Variants in GATA6 observed in about 807,000 individuals in gnomAD.
The protein encoded by GATA6 is transcription factor GATA-6.
In GATA6, 11 loss-of-function variants were observed where a neutral mutation model predicts 48.1. The observed-to-expected ratio is 0.23, with a 90% CI of 0.14 to 0.38. The LOEUF is 0.38. Among genes scored for constraint, GATA6 ranks in the 10% least tolerant of loss-of-function variants. The pLI is 1.00. For synonymous variants in GATA6, 419 were observed against 396.1 expected, an observed-to-expected ratio of 1.06 and a Z score of -0.69; for missense variants, 795 against 850.3, an observed-to-expected ratio of 0.93 and a Z score of 0.81.
chr18:22,181,387 T>G (rs2033193468), intron 3 of GATA6, 66 bp from the exon 4 acceptor site: 1 of 1,508,936 alleles, frequency 6.6e-7, no homozygotes, highest in Non-Finnish European at 9.2e-7. Context: ...AATACCTTAA[T>G]GTATGTATGT....
At position 22,185,966 on chromosome 18, in the gene GATA6, A is replaced by G. The variant is rs113591656; in HGVS notation, c.1620+2923A>G. Among the ~76,000 whole-genome samples, 125 of 152,154 alleles carry G rather than the reference A, an allele frequency of 8.2e-4. No individual in the cohort carries two copies. Among genetic ancestry groups the G allele is most frequent in the African/African-American group, 2.9e-3 (120 of 41,510 alleles). On this transcript the variant is annotated intron_variant, in intron 6 of 6. Transcript: ENST00000269216. This position sits in a 1 kb window ranked among gnomAD's most constrained non-coding sequence, Gnocchi z 4.3. ...GTTGACAAAGGTGTGTCATTTTCCCATTTTGGTCACAGTGCATAATGTTAG... is the reference window on the plus strand; with the variant it reads ...GTTGACAAAGGTGTGTCATTTTCCCGTTTTGGTCACAGTGCATAATGTTAG...
chr18:22,176,719 C>T (rs889549546), intron 2 of GATA6: 8 of 486,284 alleles, frequency 1.6e-5, no homozygotes, highest in Non-Finnish European at 2.9e-5. Context: ...GTCTCTTTCC[C>T]GGAGTCTCTA....
At chr18:22,176,830 C>T (rs910743401) in intron 2 of GATA6, 125 bp from the exon 3 acceptor site, 5 of 1,147,420 alleles carry the variant, frequency 4.4e-6, no homozygotes, top group Non-Finnish European at 5.9e-6. Flanking sequence ...GAGAAAAGCT[C>T]AGCCGGGAAG....
intron 3 of GATA6, among the ~76,000 whole-genome samples, chr18:22,180,462 C>G (rs559885895): frequency 5.3e-5 from 8 of 152,158 alleles, no homozygotes; most frequent in South Asian, 2.1e-4. Flanking sequence ...GGCCTTTTAC[C>G]TTTCCTGGTA....
chr18:22,193,226 CGA>C (rs59561236), intron 6 of GATA6, among the ~76,000 whole-genome samples: 1,956 of 152,200 alleles, frequency 0.013, 47 homozygotes, highest in African/African-American at 0.045. Flanking sequence ...GTTAAGAATT[CGA>C]GAGTTTCATT....
At position 22,174,464 on chromosome 18, in the gene GATA6, A is replaced by G. The variant is rs756962484; in HGVS notation, c.1135+2185A>G. On this transcript the variant is annotated intron_variant, in intron 2 of 6. Transcript: ENST00000269216. Reference sequence around the variant, plus strand: ...AGCCTACACTTTTCCTAATTTTTTCATCTTCTGGGCACACCACAGTTAGAG... The same window carrying G: ...AGCCTACACTTTTCCTAATTTTTTCGTCTTCTGGGCACACCACAGTTAGAG... 4.6e-5 allele frequency among the ~76,000 whole-genome samples: 7 copies of G among 152,214 alleles called. No individual in the cohort carries two copies. The East Asian group carries it at 9.6e-4, about 21-fold the overall frequency.
chr18:22,183,940 C>A (rs758461055), intron 6 of GATA6, among the ~76,000 whole-genome samples: 2 of 152,188 alleles, frequency 1.3e-5, no homozygotes, highest in Non-Finnish European at 2.9e-5. Flanking sequence ...ATTTAAATGC[C>A]TATTTACTTA....
chr18:22,171,169 T>A lies in GATA6; in HGVS notation c.25T>A (p.Cys9Ser), dbSNP rs1251160301. Residue 9 changes from cysteine (C) to serine (S), a missense_variant, in exon 2 of 7, where the codon TGC becomes AGC. By Grantham distance (112) the Cys-to-Ser change is moderately radical. This residue lies in a region of GATA6 where 591 missense variants were observed against 570.0 expected (regional missense o/e 1.04). Transcript: ENST00000269216. This position sits in a 1 kb window ranked among gnomAD's most constrained non-coding sequence, Gnocchi z 7.1. MALTDGGW[C>S]LPKRFGAAGA... ...GATGGCCTTGACTGACGGCGGCTGGTGCTTGCCGAAGCGCTTCGGGGCCGC... is the reference window on the plus strand; with the variant it reads ...GATGGCCTTGACTGACGGCGGCTGGAGCTTGCCGAAGCGCTTCGGGGCCGC... 3.8e-6 allele frequency: 6 copies of A among 1,599,884 alleles called. No individual in the cohort carries two copies. Among genetic ancestry groups the A allele is most frequent in the Non-Finnish European group, 5.1e-6 (6 of 1,179,562 alleles).
At chr18:22,177,378 C>T (rs1434922990) in intron 3 of GATA6, among the ~76,000 whole-genome samples, 1 of 152,092 alleles carries the variant, frequency 6.6e-6, no homozygotes. Flanking sequence ...CATGTTTACG[C>T]GCAGGGGATG....
chr18:22,182,508 C>T (rs2033211445), intron 4 of GATA6, among the ~76,000 whole-genome samples: 1 of 152,106 alleles, frequency 6.6e-6, no homozygotes, highest in Non-Finnish European at 1.5e-5. Flanking sequence ...CAGGCATGCG[C>T]CAACAAGTCT....
At chr18:22,169,714 C>T (rs993610617) in intron 1 of GATA6, 32 bp downstream of exon 1, 2 of 152,308 alleles carry the variant, frequency 1.3e-5, no homozygotes, top group Admixed American at 6.5e-5. Flanking sequence ...GCGATCTCCC[C>T]GCTTTCCTCC....
rs541178972 is a variant in GATA6 at position 22,200,400 on chromosome 18, C to G, written c.1621-256C>G. Among the ~76,000 whole-genome samples, 39 of 152,302 alleles carry G rather than the reference C, an allele frequency of 2.6e-4. No homozygotes were observed. The South Asian group carries it at 8.1e-3, about 32-fold the overall frequency. ...TTGCATCTTGCCAGTGGCTCCTGCC[C>G]TGAGTTCTAAAGTTTCGAAGGCTTA... On this transcript the variant is annotated intron_variant, in intron 6 of 6. Transcript: ENST00000269216.
intron 2 of GATA6, chr18:22,176,595 T>A (rs571764261): frequency 1.1e-3 from 232 of 206,570 alleles, no homozygotes; most frequent in South Asian, 2.1e-3. Context: ...ACTGTAATGA[T>A]GATGGATTTC....
rs2143350947 is a variant in GATA6 at position 22,202,410 on chromosome 18, C to T, written c.*1587C>T. The T allele has an allele frequency of 6.6e-6, 1 of 152,224 alleles. No homozygotes were observed. The highest frequency in any genetic ancestry group is 1.9e-4 in the East Asian group (1 of 5,184). The allele number at this position is 152,224 out of a possible 1,614,324, so 9.4% of individuals were successfully genotyped here. ...GCTCACCTGAGGTTGCAGACGTTACCCCCAACAGAAGATAGGTAGAAATGA... is the reference window on the plus strand; with the variant it reads ...GCTCACCTGAGGTTGCAGACGTTACTCCCAACAGAAGATAGGTAGAAATGA... On this transcript the variant is annotated 3_prime_UTR_variant, in exon 7 of 7. Coordinates refer to ENST00000269216, the MANE Select transcript of GATA6 (RefSeq NM_005257.6).
chr18:22,170,976 C>T lies in GATA6; in HGVS notation c.-37-132C>T. 3 of 650,884 alleles carry T rather than the reference C, an allele frequency of 4.6e-6. No individual in the cohort carries two copies. Among genetic ancestry groups the T allele is most frequent in the Non-Finnish European group, 8.2e-6 (3 of 366,204 alleles). 40.3% of individuals were successfully genotyped at this position (650,884 alleles called of 1,614,324 possible). A position where few individuals can be genotyped will look rare whatever the true frequency, so the allele number is the denominator to read the frequency against. ...GGCAGAAATAGGATCTTTGAGAAGT[C>T]TCAAATGGGATCTTTGAGAAGTCAG... is the stretch of plus-strand genomic sequence containing the variant. On this transcript the variant is annotated intron_variant, in intron 1 of 6. Transcript: ENST00000269216. The surrounding 1 kb of genome is among the most constrained non-coding windows in gnomAD (Gnocchi z 6.7).
intron 3 of GATA6, 52 bp from the exon 4 acceptor site, chr18:22,181,401 A>G (rs1195244815): frequency 5.7e-6 from 9 of 1,581,422 alleles, no homozygotes; most frequent in Admixed American, 1.7e-5. Context: ...TGTATGTAAT[A>G]TATATATATG....
chr18:22,172,314 C>G lies in GATA6; in HGVS notation c.1135+35C>G, dbSNP rs973643251. ...GCGCCTCAGGTTCGGGGTGCGGGTC[C>G]AAAGCGCTGGGGCGCACGGGGGACG... is the stretch of plus-strand genomic sequence containing the variant. On this transcript the variant is annotated intron_variant, in intron 2 of 6. Transcript: ENST00000269216. This position sits in a 1 kb window ranked among gnomAD's most constrained non-coding sequence, Gnocchi z 5.2. The G allele has an allele frequency of 2.3e-5, 35 of 1,525,918 alleles. 1 individual carries two copies. The Admixed American group carries it at 4.2e-4, about 18-fold the overall frequency. The allele number at this position is 1,525,918 out of a possible 1,614,324, so 94.5% of individuals were successfully genotyped here. A position where few individuals can be genotyped will look rare whatever the true frequency, so the allele number is the denominator to read the frequency against.
In GATA6 at chr18:22,171,249, G is replaced by A. The variant is rs747016928; in HGVS notation, c.105G>A (p.Pro35=). ...TTCCAGCGCGGGAGCCCTCCACGCC[G>A]CCTTCCCCCATCTCTTCCTCGTCCT... ...RAFPAREPST[P]PSPISSSSSS... Residue 35 remains proline (P), a synonymous_variant, in exon 2 of 7, where the codon CCG becomes CCA. Coordinates refer to ENST00000269216, the MANE Select transcript of GATA6 (RefSeq NM_005257.6). This position sits in a 1 kb window ranked among gnomAD's most constrained non-coding sequence, Gnocchi z 7.1. 3.8e-6 allele frequency: 6 copies of A among 1,598,360 alleles called. No individual in the cohort carries two copies. The African/African-American group carries it at 6.7e-5, about 18-fold the overall frequency.
In GATA6 at chr18:22,185,090, T is replaced by A. The variant is rs1024807830; in HGVS notation, c.1620+2047T>A. 6.6e-6 allele frequency among the ~76,000 whole-genome samples: 1 copy of A among 152,206 alleles called. No individual in the cohort carries two copies. Among genetic ancestry groups the A allele is most frequent in the African/African-American group, 2.4e-5 (1 of 41,452 alleles). ...TTTTGTGACGTAAAATTTCAAAATTTGCTATTAGCAAGTCCTATCGGTTGC... is the reference window on the plus strand; with the variant it reads ...TTTTGTGACGTAAAATTTCAAAATTAGCTATTAGCAAGTCCTATCGGTTGC... On this transcript the variant is annotated intron_variant, in intron 6 of 6. Transcript: ENST00000269216. This position sits in a 1 kb window ranked among gnomAD's most constrained non-coding sequence, Gnocchi z 4.3.
Sources: allele counts gnomAD v4.1 joint callset (sites outside exome capture counted in the v4.1 genomes callset), GRCh38; gene constraint gnomAD v4.1.1; regional missense constraint gnomAD v4.1.1; non-coding constraint Gnocchi (gnomAD v3.1); transcripts MANE v1.5; gene names NCBI Gene and HGNC (gene_info 2026-07-23, HGNC 2026-07-21).